The following GALNT18 variants were observed in gnomAD, a reference collection of about 807,000 sequenced individuals.
GALNT18 encodes the protein GalNAc-transferase 18.
GALNT18 carries 44 observed loss-of-function variants against 69.5 expected under a neutral mutation model. That is an observed-to-expected ratio of 0.63 (90% CI 0.50 to 0.81). The LOEUF is 0.81. Ranked by LOEUF, GALNT18 falls within the 40% of genes least tolerant of loss-of-function variation. The pLI is 0.00. For synonymous variants in GALNT18, 364 were observed against 318.2 expected (o/e 1.14, Z -1.53); for missense variants, 715 against 810.0 (o/e 0.88, Z 1.42).
At chr11:11,504,628 T>G (rs924448708) in intron 1 of GALNT18, among the ~76,000 whole-genome samples, 1 of 151,944 alleles carries the variant, frequency 6.6e-6, no homozygotes, top group African/African-American at 2.4e-5. Flanking sequence ...CATGGTGGTA[T>G]GCACCTGTAG....
chr11:11,355,826 A>C (rs1312210253), intron 6 of GALNT18, among the ~76,000 whole-genome samples: 1 of 152,146 alleles, frequency 6.6e-6, no homozygotes, highest in African/African-American at 2.4e-5. Flanking sequence ...TGCTCCAGAG[A>C]CCAGAGCCCT....
At chr11:11,467,515 T>C (rs1856178158) in intron 1 of GALNT18, among the ~76,000 whole-genome samples, 1 of 152,194 alleles carries the variant, frequency 6.6e-6, no homozygotes, top group African/African-American at 2.4e-5. Flanking sequence ...AACCACTCTG[T>C]TTGCCAGAGC....
At position 11,557,989 on chromosome 11, in the gene GALNT18, C is replaced by T. The variant is rs139688755; in HGVS notation, c.235+63370G>A. Among the ~76,000 whole-genome samples, 10 of 152,306 alleles carry T rather than the reference C, an allele frequency of 6.6e-5. No individual in the cohort carries two copies. The East Asian group carries it at 1.5e-3, about 24-fold the overall frequency. ...TATTAGAAATGTCCCCAAAGTGGAA[C>T]TGTATGATGGAAACTGAAGGCAGTG... On this transcript the variant is annotated intron_variant, in intron 1 of 10. Coordinates refer to ENST00000227756, the MANE Select transcript of GALNT18 (RefSeq NM_198516.3).
intron 1 of GALNT18, among the ~76,000 whole-genome samples, chr11:11,534,915 C>T (rs1016350325): frequency 2.0e-5 from 3 of 152,276 alleles, no homozygotes; most frequent in Admixed American, 6.5e-5. Context: ...ATGTCCCCTG[C>T]AGCACGGGAG....
intron 6 of GALNT18, among the ~76,000 whole-genome samples, chr11:11,342,168 CA>C (rs1160874210): frequency 1.3e-5 from 2 of 152,114 alleles, no homozygotes; most frequent in African/African-American, 4.8e-5. Flanking sequence ...ACTCACCTAA[CA>C]AAAGGCCAAG....
intron 1 of GALNT18, among the ~76,000 whole-genome samples, chr11:11,554,934 A>G (rs1288501991): frequency 6.6e-6 from 1 of 152,194 alleles, no homozygotes; most frequent in African/African-American, 2.4e-5. Flanking sequence ...AGAGTGGAAC[A>G]ACAGGGCTGG....
chr11:11,412,850 A>G (rs1854762839), intron 3 of GALNT18, among the ~76,000 whole-genome samples: 1 of 152,194 alleles, frequency 6.6e-6, no homozygotes, highest in Admixed American at 6.5e-5. Context: ...TCAAATGCAC[A>G]GAAGGCTGCT....
chr11:11,461,643 A>G lies in GALNT18; in HGVS notation c.236-12707T>C, dbSNP rs1316642420. Among the ~76,000 whole-genome samples, 2 of 152,176 alleles carry G rather than the reference A, an allele frequency of 1.3e-5. No homozygotes were observed. Among genetic ancestry groups the G allele is most frequent in the African/African-American group, 4.8e-5 (2 of 41,440 alleles). On this transcript the variant is annotated intron_variant, in intron 1 of 10. Transcript: ENST00000227756. This position sits in a 1 kb window ranked among gnomAD's most constrained non-coding sequence, Gnocchi z 4.1. ...ATACACTACACTGTTCACACATAAA[A>G]CAGTGTTCCCAGTGTTTCCACACAT...
rs753239923 is a variant in GALNT18, at chr11:11,293,179, C to A, written c.1527G>T (p.Thr509=). The part of the protein sequence containing the change: ...HGMTPQNVYY[T]SSQQIHVGIL... ...TGCCCACATGGATCTGCTGACTGCT[C>A]GTGTAGTACACGTTCTGGGGGCGGA... The change falls in exon 10 of 11, where the codon ACG becomes ACT. Residue 509 remains threonine, a synonymous_variant. Transcript: ENST00000227756. 1.5e-6 allele frequency: 2 copies of A among 1,331,740 alleles called. No homozygotes were observed. Among genetic ancestry groups the A allele is most frequent in the South Asian group, 2.7e-5 (1 of 37,568 alleles). The allele number at this position is 1,331,740 out of a possible 1,614,324, so 82.5% of individuals were successfully genotyped here. A position where few individuals can be genotyped will look rare whatever the true frequency, so the allele number is the denominator to read the frequency against.
chr11:11,530,176 T>C (rs1857613417), intron 1 of GALNT18, among the ~76,000 whole-genome samples: 1 of 151,664 alleles, frequency 6.6e-6, no homozygotes, highest in Non-Finnish European at 1.5e-5. Flanking sequence ...GAGGGAAGGC[T>C]GGAGCGAGCA....
Position 11,332,579 on chromosome 11 carries a change from C to A in GALNT18, c.1416+115G>T. 11 of 1,214,598 alleles carry A rather than the reference C, an allele frequency of 9.1e-6. No individual in the cohort carries two copies. The highest frequency in any genetic ancestry group is 1.3e-5 in the Non-Finnish European group (11 of 854,772). The allele number at this position is 1,214,598 out of a possible 1,614,324, so 75.2% of individuals were successfully genotyped here. ...CAGAACCCAGCGCCCGGTCCCCAGG[C>A]CTACTGCAGTTCTTCATGTGAGCAG... On this transcript the variant is annotated intron_variant, in intron 8 of 10. Transcript: ENST00000227756. This position sits in a 1 kb window ranked among gnomAD's most constrained non-coding sequence, Gnocchi z 4.3.
rs940553367 is a variant in GALNT18, at chr11:11,497,738, T to C, written c.236-48802A>G. On this transcript the variant is annotated intron_variant, in intron 1 of 10. Coordinates refer to ENST00000227756, the MANE Select transcript of GALNT18 (RefSeq NM_198516.3). The surrounding 1 kb of genome is among the most constrained non-coding windows in gnomAD (Gnocchi z 4.2). ...TTGTGCAGATAAATGTGTATGTGCA[T>C]ATACATATTTTCTATATATATATAT... Among the ~76,000 whole-genome samples, 1 of 121,704 alleles carries C rather than the reference T, an allele frequency of 8.2e-6. No homozygotes were observed. The highest frequency in any genetic ancestry group is 3.1e-5 in the African/African-American group (1 of 32,266). The allele number at this position is 121,704 out of a possible 152,430, so 79.8% of individuals were successfully genotyped here.
At position 11,596,064 on chromosome 11, in the gene GALNT18, A is replaced by C. The variant is rs1207140919; in HGVS notation, c.235+25295T>G. ...ATCCATTTTGAGTTAGTTTTTGTGG[A>C]TAGAGTGAGATGGGGGACAACTTTA... On this transcript the variant is annotated intron_variant, in intron 1 of 10. Coordinates refer to ENST00000227756, the MANE Select transcript of GALNT18 (RefSeq NM_198516.3). This position sits in a 1 kb window ranked among gnomAD's most constrained non-coding sequence, Gnocchi z 4.2. Among the ~76,000 whole-genome samples the C allele has an allele frequency of 6.6e-6, 1 of 152,124 alleles. No homozygotes were observed. The highest frequency in any genetic ancestry group is 1.9e-4 in the East Asian group (1 of 5,188).
In GALNT18 at chr11:11,320,968, C is replaced by T. The variant is rs571863630; in HGVS notation, c.1512+6118G>A. On this transcript the variant is annotated intron_variant, in intron 9 of 10. Transcript: ENST00000227756. This position sits in a 1 kb window ranked among gnomAD's most constrained non-coding sequence, Gnocchi z 4.9. ...AAAGGTCACCAGGACACCAAGGGCT[C>T]CCTGTACAGCCCAGCTGCATGAGTG... Among the ~76,000 whole-genome samples the T allele has an allele frequency of 2.6e-5, 4 of 152,308 alleles. No individual in the cohort carries two copies. The highest frequency in any genetic ancestry group is 6.5e-5 in the Admixed American group (1 of 15,296).
intron 9 of GALNT18, among the ~76,000 whole-genome samples, chr11:11,310,695 A>G (rs1849657858): frequency 6.6e-6 from 1 of 152,220 alleles, no homozygotes; most frequent in Non-Finnish European, 1.5e-5. Flanking sequence ...AATTCCCAGT[A>G]TATTAAGACA....
chr11:11,443,382 T>C (rs1402614719), intron 2 of GALNT18, among the ~76,000 whole-genome samples: 1 of 152,148 alleles, frequency 6.6e-6, no homozygotes, highest in East Asian at 1.9e-4. Context: ...GAAATGATGT[T>C]TCACTTACAC....
intron 10 of GALNT18, among the ~76,000 whole-genome samples, chr11:11,284,217 T>C (rs1849144556): frequency 6.6e-6 from 1 of 152,190 alleles, no homozygotes; most frequent in Admixed American, 6.5e-5. Flanking sequence ...GATCCCAGGT[T>C]ATTACACAGC....
intron 3 of GALNT18, among the ~76,000 whole-genome samples, chr11:11,414,871 T>G (rs1005588233): frequency 1.3e-5 from 2 of 152,242 alleles, no homozygotes; most frequent in African/African-American, 4.8e-5. Context: ...GAAGTCCAGG[T>G]ACAATGAGCC....
chr11:11,389,201 C>T lies in GALNT18; in HGVS notation c.596-9937G>A, dbSNP rs924979443. Among the ~76,000 whole-genome samples, 1 of 152,202 alleles carries T rather than the reference C, an allele frequency of 6.6e-6. No individual in the cohort carries two copies. The highest frequency in any genetic ancestry group is 6.5e-5 in the Admixed American group (1 of 15,286). On this transcript the variant is annotated intron_variant, in intron 3 of 10. Coordinates refer to ENST00000227756, the MANE Select transcript of GALNT18 (RefSeq NM_198516.3). The surrounding 1 kb of genome is among the most constrained non-coding windows in gnomAD (Gnocchi z 4.3). ...CAGAAGGTAAGGAAGGAGCAGGATT[C>T]GAACTCAGGCCTGCTTGCCTCTGAA... is the stretch of plus-strand genomic sequence containing the variant.
Sources: gnomAD v4.1 joint callset for allele counts (sites outside exome capture counted in the v4.1 genomes callset) on GRCh38, gnomAD v4.1.1 for gene constraint, Gnocchi (gnomAD v3.1) non-coding constraint, MANE v1.5 for transcripts, NCBI Gene and HGNC (gene_info 2026-07-23, HGNC 2026-07-21) for gene names.